The following NRXN1 variants were observed in gnomAD, a reference collection of about 807,000 sequenced individuals.
NRXN1 encodes the protein neurexin-1.
NRXN1 carries 39 observed loss-of-function variants against 150.9 expected under a neutral mutation model. The ratio of observed to expected loss-of-function variants is 0.26; its 90% CI spans 0.20 to 0.34. The LOEUF is 0.34. NRXN1 is among the 10% of genes least tolerant of loss of function. NRXN1 has a pLI of 1.00. For synonymous variants in NRXN1, 924 were observed against 757.0 expected, an observed-to-expected ratio of 1.22 and a Z score of -3.62; for missense variants, 1,815 against 1,949.9, an observed-to-expected ratio of 0.93 and a Z score of 1.30.
chr2:51,011,704 G>T (rs758134063), intron 2 of NRXN1, among the ~76,000 whole-genome samples: 3 of 151,976 alleles, frequency 2.0e-5, no homozygotes, highest in Non-Finnish European at 4.4e-5. Context: ...TAAGAAATGA[G>T]TCTGGATAAG....
intron 9 of NRXN1, among the ~76,000 whole-genome samples, chr2:50,547,239 C>T (rs2093514861): frequency 2.6e-5 from 4 of 151,970 alleles, no homozygotes; most frequent in Admixed American, 2.6e-4. Context: ...TGTATACAAG[C>T]CAACTTTGAC....
In NRXN1 at chr2:50,347,007, G is replaced by A. The variant is rs2078047802; in HGVS notation, c.3365-110037C>T. ...GGAGGCAAAGTTTGGGGCGCGGGGA[G>A]AGGAGAGGGCGCAGGGGAGCGGGCG... is the stretch of plus-strand genomic sequence containing the variant. On this transcript the variant is annotated intron_variant, in intron 17 of 22. Transcript: ENST00000401669. This position sits in a 1 kb window ranked among gnomAD's most constrained non-coding sequence, Gnocchi z 4.9. 7.3e-7 allele frequency: 1 copy of A among 1,372,616 alleles called. No individual in the cohort carries two copies. The allele number at this position is 1,372,616 out of a possible 1,614,324, so 85.0% of individuals were successfully genotyped here. A position where few individuals can be genotyped will look rare whatever the true frequency, so the allele number is the denominator to read the frequency against.
chr2:50,558,521 G>C (rs1018542206), intron 8 of NRXN1, among the ~76,000 whole-genome samples: 1 of 152,080 alleles, frequency 6.6e-6, no homozygotes, highest in Admixed American at 6.5e-5. Flanking sequence ...AATGTCACAA[G>C]TAAGTAGAGG....
chr2:50,828,332 G>A (rs1296302896), intron 5 of NRXN1, among the ~76,000 whole-genome samples: 15 of 141,558 alleles, frequency 1.1e-4, no homozygotes, highest in South Asian at 7.2e-4. Flanking sequence ...TGAACCCCCC[G>A]CCTCCCTCCC....
intron 19 of NRXN1, among the ~76,000 whole-genome samples, chr2:50,071,944 T>A (rs1696348627): frequency 6.6e-6 from 1 of 152,220 alleles, no homozygotes; most frequent in South Asian, 2.1e-4. Flanking sequence ...AATTGTAATA[T>A]TCTACATTAC....
intron 21 of NRXN1, among the ~76,000 whole-genome samples, chr2:50,016,165 A>G (rs1686552630): frequency 6.6e-6 from 1 of 152,150 alleles, no homozygotes; most frequent in South Asian, 2.1e-4. Context: ...GCAACTAGGT[A>G]GGTAAAGTCC....
intron 21 of NRXN1, among the ~76,000 whole-genome samples, chr2:50,004,831 C>T (rs556883453): frequency 2.6e-5 from 4 of 152,256 alleles, no homozygotes; most frequent in South Asian, 2.1e-4. Flanking sequence ...CCTTGCTACA[C>T]GCATCTAGTT....
intron 5 of NRXN1, among the ~76,000 whole-genome samples, chr2:50,710,420 C>G (rs1695004957): frequency 6.6e-6 from 1 of 152,092 alleles, no homozygotes; most frequent in Non-Finnish European, 1.5e-5. Flanking sequence ...ACACACATAC[C>G]CACCTCTATG....
chr2:50,775,616 A>T (rs1040888968), intron 5 of NRXN1, among the ~76,000 whole-genome samples: 11 of 152,106 alleles, frequency 7.2e-5, no homozygotes, highest in Admixed American at 7.2e-4. Flanking sequence ...AAGACACGAG[A>T]GATAATTTAT....
chr2:50,208,798 T>C (rs2062802072), intron 18 of NRXN1, among the ~76,000 whole-genome samples: 1 of 152,172 alleles, frequency 6.6e-6, no homozygotes, highest in South Asian at 2.1e-4. Context: ...TTTTAAAAAA[T>C]CAAGCTATCT....
At chr2:50,288,596 C>T (rs146760029) in intron 17 of NRXN1, among the ~76,000 whole-genome samples, 308 of 152,208 alleles carry the variant, frequency 2.0e-3, no homozygotes, top group African/African-American at 7.0e-3. Context: ...ACAATCATGG[C>T]AGAAGGTGAA....
At chr2:50,485,698 T>C (rs1347121767) in intron 15 of NRXN1, among the ~76,000 whole-genome samples, 1 of 152,128 alleles carries the variant, frequency 6.6e-6, no homozygotes, top group South Asian at 2.1e-4. Context: ...TCAGCCCATG[T>C]GGTAAGAGTC....
intron 5 of NRXN1, among the ~76,000 whole-genome samples, chr2:50,669,152 G>T (rs933593515): frequency 1.3e-5 from 2 of 151,858 alleles, no homozygotes; most frequent in African/African-American, 4.8e-5. Context: ...AATGCATTTG[G>T]GGATTTAAGC....
rs562592695 is a variant in NRXN1 at position 50,734,804 on chromosome 2, G to C, written c.833-111189C>G. On this transcript the variant is annotated intron_variant, in intron 5 of 22. Transcript: ENST00000401669. ...GCTAAAATGGCAGACACATTTTAAA[G>C]TATGCAGAGCATACATTTCAGTACT... Among the ~76,000 whole-genome samples, 10 of 151,258 alleles carry C rather than the reference G, an allele frequency of 6.6e-5. No homozygotes were observed. The East Asian group carries it at 1.4e-3, about 21-fold the overall frequency.
intron 17 of NRXN1, among the ~76,000 whole-genome samples, chr2:50,449,305 T>A (rs572691345): frequency 6.6e-6 from 1 of 152,350 alleles, no homozygotes; most frequent in African/African-American, 2.4e-5. Context: ...TTTTTCTAAT[T>A]GGATATTCTC....
chr2:50,501,815 G>C (rs1440020722), intron 13 of NRXN1, among the ~76,000 whole-genome samples: 1 of 152,130 alleles, frequency 6.6e-6, no homozygotes, highest in Non-Finnish European at 1.5e-5. Flanking sequence ...CACGATCCTA[G>C]GTGAGGTGCA....
rs931262441 is a variant in NRXN1, at chr2:50,941,393, A to C, written c.773-15438T>G. On this transcript the variant is annotated intron_variant, in intron 2 of 22. Transcript: ENST00000401669. ...ATTGGAATAGTTTGGAAGACTCAGA[A>C]GAAGACAGGAAGATATGGGAAAGTT... 2.6e-5 allele frequency among the ~76,000 whole-genome samples: 4 copies of C among 152,206 alleles called. 1 individual carries two copies. The South Asian group carries it at 8.3e-4, about 31-fold the overall frequency.
At chr2:51,008,227 G>A (rs1327088776) in intron 2 of NRXN1, among the ~76,000 whole-genome samples, 2 of 151,830 alleles carry the variant, frequency 1.3e-5, no homozygotes, top group African/African-American at 4.8e-5. Context: ...ATCAAACAAA[G>A]AAGAGAGTCA....
At chr2:50,592,748 T>C (rs1474656873) in intron 8 of NRXN1, among the ~76,000 whole-genome samples, 1 of 152,218 alleles carries the variant, frequency 6.6e-6, no homozygotes, top group African/African-American at 2.4e-5. Flanking sequence ...AGGTATCTAG[T>C]TCAGGGGAAA....
Sources: allele counts gnomAD v4.1 joint callset (sites outside exome capture counted in the v4.1 genomes callset), GRCh38; gene constraint gnomAD v4.1.1; non-coding constraint Gnocchi (gnomAD v3.1); transcripts MANE v1.5; gene names NCBI Gene and HGNC (gene_info 2026-07-23, HGNC 2026-07-21).